The following USP48 variants were observed in gnomAD, a reference collection of about 807,000 sequenced individuals.
The protein encoded by USP48 is ubiquitin carboxyl-terminal hydrolase 48.
A neutral mutation model predicts 150.7 loss-of-function variants in USP48; 43 were observed. The observed-to-expected ratio is 0.29, with a 90% confidence interval of 0.22 to 0.37. The LOEUF is 0.37. Ranked by LOEUF, USP48 falls within the 10% of genes least tolerant of loss-of-function variation. The pLI, the probability that USP48 is intolerant of heterozygous loss-of-function variation, is 1.00. For synonymous variants in USP48, 396 were observed against 425.9 expected, an observed-to-expected ratio of 0.93 and a Z score of 0.86; for missense variants, 813 against 1,249.6, an observed-to-expected ratio of 0.65 and a Z score of 5.27.
intron 25 of USP48, among the ~76,000 whole-genome samples, chr1:21,682,284 A>T (rs1231478712): frequency 6.6e-6 from 1 of 152,074 alleles, no homozygotes; most frequent in Non-Finnish European, 1.5e-5. Flanking sequence ...TGTGAATTTG[A>T]CTGGCTTTCC....
chr1:21,770,776 C>G (rs2097877760), intron 1 of USP48, among the ~76,000 whole-genome samples: 2 of 151,880 alleles, frequency 1.3e-5, no homozygotes, highest in Non-Finnish European at 2.9e-5. Flanking sequence ...GCCACTGCAC[C>G]TGGCCAATCA....
At chr1:21,682,362 G>T (rs2097568266) in intron 25 of USP48, among the ~76,000 whole-genome samples, 1 of 151,112 alleles carries the variant, frequency 6.6e-6, no homozygotes, top group African/African-American at 2.4e-5. Flanking sequence ...CAAACCCAGG[G>T]TACCATCATT....
At chr1:21,777,125 C>A (rs563580007) in intron 1 of USP48, among the ~76,000 whole-genome samples, 99 of 149,744 alleles carry the variant, frequency 6.6e-4, no homozygotes, top group South Asian at 3.2e-3. Context: ...AAAAAAAAAA[C>A]AAAACACCAA....
intron 24 of USP48, 45 bp downstream of exon 24, chr1:21,689,929 A>G: frequency 1.9e-6 from 3 of 1,607,596 alleles, no homozygotes; most frequent in Non-Finnish European, 2.6e-6. Context: ...TAGTTATGTA[A>G]CATGTAAAAC....
intron 14 of USP48, among the ~76,000 whole-genome samples, chr1:21,716,755 G>A (rs1350059265): frequency 1.3e-5 from 2 of 152,104 alleles, no homozygotes; most frequent in East Asian, 1.9e-4. Flanking sequence ...GGGGCCAGGC[G>A]TGGTGGCTCA....
intron 2 of USP48, 83 bp from the exon 3 acceptor site, chr1:21,756,785 A>G: frequency 6.4e-7 from 1 of 1,558,872 alleles, no homozygotes; most frequent in Non-Finnish European, 8.7e-7. Flanking sequence ...AAATTTTCAG[A>G]TTAAAAATGT....
chr1:21,701,358 T>C (rs1397099079), intron 22 of USP48, 140 bp downstream of exon 22: 8 of 529,124 alleles, frequency 1.5e-5, no homozygotes, highest in Middle Eastern at 4.2e-4. Context: ...AGTGCGAGAC[T>C]CCATCTCAAA....
chr1:21,733,373 C>T (rs891936610), intron 9 of USP48, among the ~76,000 whole-genome samples: 4 of 151,872 alleles, frequency 2.6e-5, no homozygotes, highest in African/African-American at 4.8e-5. Context: ...GCCGAGATCG[C>T]GCCATTGCAC....
intron 22 of USP48, among the ~76,000 whole-genome samples, chr1:21,700,113 A>G (rs1279465373): frequency 6.6e-6 from 1 of 151,584 alleles, no homozygotes; most frequent in Non-Finnish European, 1.5e-5. Context: ...GTATATATGC[A>G]CACAGAGTTT....
rs1223785635 is a variant in USP48 at position 21,701,583 on chromosome 1, G to A, written c.2642C>T (p.Pro881Leu). ...DNKKVMKDSA[P>L]ELNVSSSETE... ...TTCAGAACTACTCACATTCAGTTCC[G>A]GAGCCGAATCCTTCATCACCTGAAT... is the stretch of plus-strand genomic sequence containing the variant. Residue 881 changes from proline (P) to leucine (L), a missense_variant, in exon 22 of 27, where the codon CCG becomes CTG. Transcript: ENST00000308271. The A allele has an allele frequency of 3.7e-6, 6 of 1,613,508 alleles. No individual in the cohort carries two copies. The African/African-American group carries it at 4.0e-5, about 11-fold the overall frequency.
At chr1:21,707,342 A>G (rs2097675549) in intron 15 of USP48, among the ~76,000 whole-genome samples, 1 of 152,204 alleles carries the variant, frequency 6.6e-6, no homozygotes, top group Non-Finnish European at 1.5e-5. Flanking sequence ...CATTAAAATA[A>G]TATTTTGTAA....
chr1:21,701,365 C>T, intron 22 of USP48, 133 bp downstream of exon 22: 1 of 408,884 alleles, frequency 2.4e-6, no homozygotes, highest in Non-Finnish European at 4.1e-6. Flanking sequence ...GACTCCATCT[C>T]AAAAAAAAAA....
intron 6 of USP48, among the ~76,000 whole-genome samples, chr1:21,750,531 G>A (rs764538205): frequency 5.9e-5 from 9 of 151,996 alleles, no homozygotes; most frequent in Non-Finnish European, 1.0e-4. Flanking sequence ...GCTCCATAAA[G>A]GCTAATCCCC....
At position 21,688,798 on chromosome 1, in the gene USP48, G is replaced by C. The variant is rs891946981; in HGVS notation, c.3009+1176C>G. On this transcript the variant is annotated intron_variant, in intron 24 of 26. Coordinates refer to ENST00000308271, the MANE Select transcript of USP48 (RefSeq NM_032236.8). The stretch of plus-strand genomic sequence containing the variant: ...GTGGAGGTTGCAGTGAGCCGAGATT[G>C]TGCCACTGCACTCCAGCCTGGGCAA... Among the ~76,000 whole-genome samples, 3 of 142,348 alleles carry C rather than the reference G, an allele frequency of 2.1e-5. No homozygotes were observed. In the East Asian group the frequency reaches 6.7e-4, roughly 32 times the overall value. The allele number at this position is 142,348 out of a possible 152,430, so 93.4% of individuals were successfully genotyped here.
rs2097769237 is a variant in USP48 at position 21,736,567 on chromosome 1, A to G, written c.1050T>C (p.Tyr350=). 1 of 1,587,132 alleles carries G rather than the reference A, an allele frequency of 6.3e-7. No homozygotes were observed. Among genetic ancestry groups the G allele is most frequent in the African/African-American group, 1.4e-5 (1 of 73,594 alleles). Residue 350 remains tyrosine (Y), a synonymous_variant, in exon 9 of 27, where the codon TAT becomes TAC. Transcript: ENST00000308271. The part of the protein sequence containing the change: ...AVLIHRGVSA[Y]SGHYIAHVKD... ...TCACGTGGGCGATGTAGTGGCCAGAATAAGCACTCACTCCTCTGTGTATGA... is the reference window on the plus strand; with the variant it reads ...TCACGTGGGCGATGTAGTGGCCAGAGTAAGCACTCACTCCTCTGTGTATGA...
intron 8 of USP48, among the ~76,000 whole-genome samples, chr1:21,742,066 T>C (rs952910226): frequency 6.6e-6 from 1 of 152,128 alleles, no homozygotes; most frequent in Non-Finnish European, 1.5e-5. Flanking sequence ...TGTTATAATT[T>C]CTAGTTAATT....
rs2097769180 is a variant in USP48 at position 21,736,540 on chromosome 1, T to G, written c.1077A>C (p.Lys359Asn). The change falls in exon 9 of 27, where the codon AAA becomes AAC. Residue 359 changes from lysine to asparagine, a missense_variant. Transcript: ENST00000308271. ...TATACCATTCACCAGACTGTGGATC[T>G]TTCACGTGGGCGATGTAGTGGCCAG... The part of the protein sequence containing the change: ...AYSGHYIAHV[K>N]DPQSGEWYKF... 3.1e-6 allele frequency: 5 copies of G among 1,599,222 alleles called. No homozygotes were observed. The highest frequency in any genetic ancestry group is 4.3e-6 in the Non-Finnish European group (5 of 1,175,304).
intron 1 of USP48, among the ~76,000 whole-genome samples, chr1:21,772,282 A>G (rs180968555): frequency 6.6e-6 from 1 of 152,288 alleles, no homozygotes; most frequent in Admixed American, 6.5e-5. Context: ...AAAAAAGCCC[A>G]CAAAGCCCAA....
At chr1:21,734,706 T>G (rs775632691) in intron 9 of USP48, among the ~76,000 whole-genome samples, 10 of 152,234 alleles carry the variant, frequency 6.6e-5, no homozygotes, top group Non-Finnish European at 1.2e-4. Flanking sequence ...ACCACACTTG[T>G]GAGTCTGCAT....
Sources: gnomAD v4.1 joint callset for allele counts (sites outside exome capture counted in the v4.1 genomes callset) on GRCh38, gnomAD v4.1.1 for gene constraint, MANE v1.5 for transcripts, NCBI Gene and HGNC (gene_info 2026-07-23, HGNC 2026-07-21) for gene names.